The following IL4R variants were observed in gnomAD, a reference collection of about 807,000 sequenced individuals.
IL4R encodes the protein interleukin 4 receptor, also known as interleukin-4 receptor subunit alpha.
IL4R carries 17 observed loss-of-function variants against 41.5 expected under a neutral mutation model. The ratio of observed to expected loss-of-function variants is 0.41; its 90% CI spans 0.28 to 0.61. The LOEUF (loss-of-function observed/expected upper bound fraction) is 0.61, where lower values mean the gene tolerates loss of function less well. Among genes scored for constraint, IL4R ranks in the 20% least tolerant of loss-of-function variants. The probability of loss-of-function intolerance (pLI) is 0.31; values close to 1 mark genes in which losing one functional copy is unlikely to be tolerated. For missense variants in IL4R, 974 were observed against 1,043.1 expected (o/e 0.93, Z 0.91); for synonymous variants, 402 against 422.9 (o/e 0.95, Z 0.61).
At chr16:27,325,774 G>A (rs1295564131) in intron 1 of IL4R, among the ~76,000 whole-genome samples, 1 of 151,950 alleles carries the variant, frequency 6.6e-6, no homozygotes, top group African/African-American at 2.4e-5. Context: ...GAGAACTCTG[G>A]TGCATCCCCG....
chr16:27,332,003 G>T (rs2085123143), intron 2 of IL4R, among the ~76,000 whole-genome samples: 1 of 151,560 alleles, frequency 6.6e-6, no homozygotes, highest in Non-Finnish European at 1.5e-5. Context: ...TTTGAGACAG[G>T]ATCTTTCTCT....
rs748898743 is a variant in IL4R at position 27,336,471 on chromosome 16, G to A, written c.-18-3715G>A. On this transcript the variant is annotated intron_variant, in intron 2 of 10. Transcript: ENST00000395762. ...GTGGGCAGATCGCTTGAACTCAGGA[G>A]TTCGAGACCAGCCTGGGCAACATAA... is the stretch of plus-strand genomic sequence containing the variant. Among the ~76,000 whole-genome samples, 47 of 151,654 alleles carry A rather than the reference G, an allele frequency of 3.1e-4. 1 individual carries two copies. Among genetic ancestry groups the A allele is most frequent in the Non-Finnish European group, 4.3e-4 (29 of 67,916 alleles).
chr16:27,352,421 C>A (rs2085909082), intron 6 of IL4R, 119 bp from the exon 7 acceptor site: 7 of 787,360 alleles, frequency 8.9e-6, no homozygotes, highest in Non-Finnish European at 1.5e-5. Flanking sequence ...GACGAACAAC[C>A]AAATACCCAG....
At chr16:27,336,158 C>T (rs1212460770) in intron 2 of IL4R, among the ~76,000 whole-genome samples, 1 of 152,090 alleles carries the variant, frequency 6.6e-6, no homozygotes, top group Non-Finnish European at 1.5e-5. Context: ...ACCTACTGAA[C>T]GTTATAGCTT....
chr16:27,359,928 G>C, intron 9 of IL4R: 3 of 421,962 alleles, frequency 7.1e-6, no homozygotes, highest in Non-Finnish European at 1.5e-5. Context: ...TGAGGGTGGC[G>C]GGGGAGGCTG....
At chr16:27,336,469 G>T (rs1362118693) in intron 2 of IL4R, among the ~76,000 whole-genome samples, 1 of 151,580 alleles carries the variant, frequency 6.6e-6, no homozygotes, top group Non-Finnish European at 1.5e-5. Context: ...TTGAACTCAG[G>T]AGTTCGAGAC....
At chr16:27,355,956 T>C in intron 8 of IL4R, 49 bp downstream of exon 8, 1 of 1,327,212 alleles carries the variant, frequency 7.5e-7, no homozygotes. Context: ...GAGTGCAGGG[T>C]GGCAGGGACT....
rs1805014 is a variant in IL4R, at chr16:27,363,708, T to C, written c.2356T>C (p.Ser786Pro). ...GGCCTCCCTGGCACCCTCGGGCATC[T>C]CAGAGAAGAGTAAATCCTCATCATC... ...CPASLAPSGI[S>P]EKSKSSSSFH... The change falls in exon 11 of 11, where the codon TCA becomes CCA. Residue 786 changes from serine to proline, a missense_variant. Physicochemically the swap from Ser to Pro is moderately conservative, Grantham distance 74 (BLOSUM62 -1). Around this residue, in one of 3 missense-constraint regions of IL4R, gnomAD observed 682 missense variants for 704.3 expected, o/e 0.97. Transcript: ENST00000395762. 7.8e-3 allele frequency: 12,522 copies of C among 1,613,810 alleles called. 75 individuals are homozygous for C. Among genetic ancestry groups the C allele is most frequent in the African/African-American group, 0.029 (2,190 of 74,972 alleles).
In IL4R at chr16:27,362,875, C is replaced by T. The variant is rs767527315; in HGVS notation, c.1523C>T (p.Pro508Leu). ...RSFSNSLSQSPCPRELGPDPL... is the reference protein window; with the variant it reads ...RSFSNSLSQSLCPRELGPDPL... The stretch of plus-strand genomic sequence containing the variant: ...TTCAGCAACTCCCTGAGCCAGTCAC[C>T]GTGTCCCAGAGAGCTGGGTCCAGAC... Residue 508 changes from proline (P) to leucine (L), a missense_variant, in exon 11 of 11, where the codon CCG becomes CTG. Physicochemically the swap from Pro to Leu is moderately conservative, Grantham distance 98 (BLOSUM62 -3). Around this residue, in one of 3 missense-constraint regions of IL4R, gnomAD observed 682 missense variants for 704.3 expected, o/e 0.97. Coordinates refer to ENST00000395762, the MANE Select transcript of IL4R (RefSeq NM_000418.4). 16 of 1,614,044 alleles carry T rather than the reference C, an allele frequency of 9.9e-6. No homozygotes were observed. The highest frequency in any genetic ancestry group is 5.5e-5 in the South Asian group (5 of 91,088).
chr16:27,356,517 C>G (rs3024692), intron 8 of IL4R, among the ~76,000 whole-genome samples: 1,823 of 152,292 alleles, frequency 0.012, 19 homozygotes, highest in Middle Eastern at 0.061. Flanking sequence ...GGCCAGAGAT[C>G]TTCTGGGGTG....
At chr16:27,340,510 C>G (rs180896226) in intron 3 of IL4R, among the ~76,000 whole-genome samples, 1 of 152,182 alleles carries the variant, frequency 6.6e-6, no homozygotes, top group African/African-American at 2.4e-5. Flanking sequence ...ATCGCTTGAG[C>G]CCAGGAGTTC....
At position 27,352,621 on chromosome 16, in the gene IL4R, G is replaced by A. The variant is rs2085917222; in HGVS notation, c.595G>A (p.Ala199Thr). Residue 199 changes from alanine (A) to threonine (T), a missense_variant, in exon 7 of 11, where the codon GCA (alanine) becomes ACA (threonine). By Grantham distance (58) the Ala-to-Thr change is moderately conservative. Around this residue, in one of 3 missense-constraint regions of IL4R, gnomAD observed 284 missense variants for 313.4 expected, o/e 0.91. Transcript: ENST00000395762. ...CCTGAAGTCTGGGATTTCCTACAGGGCACGGGTGAGGGCCTGGGCTCAGTG... is the reference window on the plus strand; with the variant it reads ...CCTGAAGTCTGGGATTTCCTACAGGACACGGGTGAGGGCCTGGGCTCAGTG... ...STLKSGISYR[A>T]RVRAWAQCYN... 3 of 1,614,066 alleles carry A rather than the reference G, an allele frequency of 1.9e-6. No individual in the cohort carries two copies. The highest frequency in any genetic ancestry group is 1.7e-5 in the Admixed American group (1 of 60,000).
At chr16:27,325,250 C>T (rs2084926114) in intron 1 of IL4R, among the ~76,000 whole-genome samples, 1 of 152,004 alleles carries the variant, frequency 6.6e-6, no homozygotes, top group African/African-American at 2.4e-5. Flanking sequence ...TTCCCTCATT[C>T]CCTCCCTCAC....
intron 1 of IL4R, among the ~76,000 whole-genome samples, chr16:27,315,888 C>A (rs1201901400): frequency 2.0e-5 from 3 of 152,144 alleles, no homozygotes; most frequent in African/African-American, 7.2e-5. Flanking sequence ...CAGTCACTCA[C>A]CCCATTTACA....
intron 5 of IL4R, 84 bp from the exon 6 acceptor site, chr16:27,346,383 G>A: frequency 7.0e-7 from 1 of 1,436,288 alleles, no homozygotes; most frequent in Non-Finnish European, 9.7e-7. Context: ...TCTGGGTGGT[G>A]GCTGTGGTTT....
chr16:27,321,640 G>A (rs1215432363), intron 1 of IL4R, among the ~76,000 whole-genome samples: 1 of 152,188 alleles, frequency 6.6e-6, no homozygotes, highest in Non-Finnish European at 1.5e-5. Flanking sequence ...TATTCTGAGA[G>A]TCCTTGTCTA....
intron 6 of IL4R, among the ~76,000 whole-genome samples, chr16:27,348,253 C>CG (rs936568552): frequency 1.3e-5 from 2 of 151,868 alleles, no homozygotes; most frequent in African/African-American, 2.4e-5. Flanking sequence ...GCTCAGAAAG[C>CG]GGGGGGCATG....
Position 27,363,455 on chromosome 16 carries a change from C to T in IL4R, c.2103C>T (p.Asp701=), listed in dbSNP as rs753965170. ...CACTTCCCCAGGAGCAGGCCACAGA[C>T]CCCCTTGTGGACAGCCTGGGCAGTG... ...KPPLPQEQAT[D]PLVDSLGSGI... is the part of the protein sequence containing the mutation. Residue 701 remains aspartate, a synonymous_variant, in exon 11 of 11, where the codon GAC becomes GAT. Transcript: ENST00000395762. The T allele has an allele frequency of 1.2e-6, 2 of 1,614,060 alleles. No homozygotes were observed. The highest frequency in any genetic ancestry group is 1.6e-4 in the Middle Eastern group (1 of 6,062).
chr16:27,342,225 C>T lies in IL4R; in HGVS notation c.175C>T (p.Arg59Cys), dbSNP rs191774649. The change falls in exon 4 of 11, where the codon CGC becomes TGC. Residue 59 changes from arginine (R) to cysteine (C), a missense_variant. Transcript: ENST00000395762. Reference protein sequence around the residue: ...NGPTNCSTELRLLYQLVFLLS... With the variant: ...NGPTNCSTELCLLYQLVFLLS... ...TCCCACCAATTGCAGCACCGAGCTC[C>T]GCCTGTTGTACCAGCTGGTTTTTCT... 75 of 1,614,206 alleles carry T rather than the reference C, an allele frequency of 4.6e-5. No homozygotes were observed. The East Asian group carries it at 9.6e-4, about 21-fold the overall frequency.
Sources: allele counts gnomAD v4.1 joint callset (sites outside exome capture counted in the v4.1 genomes callset), GRCh38; gene constraint gnomAD v4.1.1; regional missense constraint gnomAD v4.1.1; transcripts MANE v1.5; gene names NCBI Gene and HGNC (gene_info 2026-07-23, HGNC 2026-07-21).